The following ZNF701 variants were observed in gnomAD, a reference collection of about 807,000 sequenced individuals.
The protein encoded by ZNF701 is zinc finger protein 701.
ZNF701 carries 6 observed loss-of-function variants against 7.1 expected under a neutral mutation model. That is an observed-to-expected ratio of 0.84 (90% CI 0.46 to 1.66). The LOEUF is 1.66. Ranked by LOEUF, ZNF701 falls within the 40% of genes most tolerant of loss-of-function variation. The probability of loss-of-function intolerance (pLI) is 0.01; values close to 1 mark genes in which losing one functional copy is unlikely to be tolerated. For synonymous variants in ZNF701, 166 were observed against 188.2 expected (o/e 0.88, Z 0.97); for missense variants, 541 against 559.2 (o/e 0.97, Z 0.33).
At position 52,579,131 on chromosome 19, in the gene ZNF701, T is replaced by A. The variant is rs2059958389; in HGVS notation, c.143-3071T>A. On this transcript the variant is annotated intron_variant, in intron 3 of 3. Transcript: ENST00000391785. ...TGAAAAAAACACTGTACATATATGT[T>A]ACCAGAAATGCAACATACACAGAAA... Among the ~76,000 whole-genome samples the A allele has an allele frequency of 2.1e-5, 3 of 144,106 alleles. No homozygotes were observed. In the South Asian group the frequency reaches 6.3e-4, roughly 30 times the overall value. The allele number at this position is 144,106 out of a possible 152,430, so 94.5% of individuals were successfully genotyped here.
In ZNF701 at chr19:52,574,109, A is replaced by G. The variant is rs1290690795; in HGVS notation, c.-39A>G. ...TTCTAAAGACTTGGTACGTGAGGAAAAAACACGGAAGAGGAAGAGGAAAGC... is the reference window on the plus strand; with the variant it reads ...TTCTAAAGACTTGGTACGTGAGGAAGAAACACGGAAGAGGAAGAGGAAAGC... On this transcript the variant is annotated 5_prime_UTR_variant, in exon 2 of 4. Coordinates refer to ENST00000391785, the MANE Select transcript of ZNF701 (RefSeq NM_018260.3). 3.1e-6 allele frequency: 5 copies of G among 1,612,504 alleles called. No homozygotes were observed. The South Asian group carries it at 5.5e-5, about 18-fold the overall frequency.
chr19:52,574,059 CAT>C lies in ZNF701; in HGVS notation c.-71-15_-71-14del, dbSNP rs1432628228. 2.4e-5 allele frequency: 39 copies of C among 1,607,502 alleles called. No homozygotes were observed. The highest frequency in any genetic ancestry group is 5.0e-5 in the Admixed American group (3 of 59,896). ...TGTGTTGATTCTGAGCAGTAAACAACATATTTCTAACATTCAGGATTGACTTC... is the reference window on the plus strand; with the variant it reads ...TGTGTTGATTCTGAGCAGTAAACAACATTTCTAACATTCAGGATTGACTTC... On this transcript the variant is annotated splice_polypyrimidine_tract_variant and intron_variant, in intron 1 of 3. Transcript: ENST00000391785.
At chr19:52,592,068 C>G (rs192116442), downstream of ZNF701, 21 of 795,850 alleles carry the variant, frequency 2.6e-5, no homozygotes, top group East Asian at 5.2e-4. Context: ...TCACTCCTCC[C>G]TAATGTTTTG....
chr19:52,597,954 C>T, the ZNF701 span: 35,268 of 154,182 alleles, frequency 0.23, 4,087 homozygotes, highest in Admixed American at 0.3. Context: ...ACAGGGATGC[C>T]TCCTGTCCAT....
At chr19:52,577,163 G>C (rs1045873848) in intron 3 of ZNF701, among the ~76,000 whole-genome samples, 1 of 152,092 alleles carries the variant, frequency 6.6e-6, no homozygotes, top group Non-Finnish European at 1.5e-5. Context: ...GCAGTGATAC[G>C]ATCTTGGCTA....
downstream of ZNF701, among the ~76,000 whole-genome samples, chr19:52,589,241 G>A (rs1288196053): frequency 6.6e-6 from 1 of 152,002 alleles, no homozygotes. Context: ...GTTCTTTTTT[G>A]CATTCGGTGA....
chr19:52,578,253 C>CAAAAA (rs58385761), intron 3 of ZNF701, among the ~76,000 whole-genome samples: 85 of 40,742 alleles, frequency 2.1e-3, no homozygotes, highest in African/African-American at 3.1e-3. Flanking sequence ...GACTCCGTCT[C>CAAAAA]AAAAAAAAAA....
Position 52,585,569 on chromosome 19 carries a change from C to T in ZNF701, c.*2112C>T, listed in dbSNP as rs1041174937. The T allele has an allele frequency of 5.3e-5, 8 of 151,870 alleles. No individual in the cohort carries two copies. The highest frequency in any genetic ancestry group is 1.9e-4 in the African/African-American group (8 of 41,504). The allele number at this position is 151,870 out of a possible 1,614,324, so 9.4% of individuals were successfully genotyped here. Reference sequence around the variant, plus strand: ...AGAATTGAAGAAAAAAAAAAAAACCCCACAAAGTAACAAAAGAATGAAGCG... The same window carrying T: ...AGAATTGAAGAAAAAAAAAAAAACCTCACAAAGTAACAAAAGAATGAAGCG... On this transcript the variant is annotated 3_prime_UTR_variant, in exon 4 of 4. Coordinates refer to ENST00000391785, the MANE Select transcript of ZNF701 (RefSeq NM_018260.3).
At chr19:52,574,678 A>G (rs1044874018) in intron 2 of ZNF701, among the ~76,000 whole-genome samples, 36 of 152,188 alleles carry the variant, frequency 2.4e-4, no homozygotes, top group African/African-American at 8.4e-4. Context: ...TAGAATGGAA[A>G]GTTCATAAAC....
Position 52,583,140 on chromosome 19 carries a change from A to C in ZNF701, c.1081A>C (p.Lys361Gln). The C allele has an allele frequency of 6.2e-7, 1 of 1,613,870 alleles. No individual in the cohort carries two copies. The highest frequency in any genetic ancestry group is 8.5e-7 in the Non-Finnish European group (1 of 1,179,850). Residue 361 changes from lysine to glutamine, a missense_variant, in exon 4 of 4, where the codon AAG becomes CAG. Lys to Gln is a moderately conservative substitution (Grantham distance 53). Transcript: ENST00000391785. ...EKPYKCKVCD[K>Q]AFRRDSHLAQ... ...ACCATACAAATGTAAGGTTTGTGAC[A>C]AGGCTTTCAGACGTGATTCACACCT...
chr19:52,574,276 C>T (rs1223164303), intron 2 of ZNF701, 114 bp downstream of exon 2: 20 of 1,496,974 alleles, frequency 1.3e-5, no homozygotes, highest in East Asian at 4.5e-5. Context: ...TTTGCTCACA[C>T]TCAACTCATG....
chr19:52,575,838 C>T (rs2059930840), intron 2 of ZNF701, 57 bp from the exon 3 acceptor site: 3 of 1,152,700 alleles, frequency 2.6e-6, no homozygotes, highest in Non-Finnish European at 3.6e-6. Context: ...TTCTCATTTT[C>T]TGTAAAGATA....
At chr19:52,571,412 A>AAAG (rs2059898872) in intron 1 of ZNF701, among the ~76,000 whole-genome samples, 1 of 152,164 alleles carries the variant, frequency 6.6e-6, no homozygotes, top group Admixed American at 6.6e-5. Context: ...GGAGAGCGGC[A>AAAG]GAGATGCAGA....
chr19:52,578,304 G>A (rs529046949), intron 3 of ZNF701, among the ~76,000 whole-genome samples: 3 of 147,744 alleles, frequency 2.0e-5, no homozygotes, highest in East Asian at 2.0e-4. Flanking sequence ...AAACGCTAAC[G>A]TATGCTGCCT....
At chr19:52,593,573 C>A in the ZNF701 span, among the ~76,000 whole-genome samples, 2 of 113,574 alleles carry the variant, frequency 1.8e-5, 1 homozygote, top group Non-Finnish European at 3.8e-5. Context: ...AGGTGGCTGC[C>A]GGGAGGAGAC....
In ZNF701 at chr19:52,585,640, G is replaced by A. The variant is rs961498451; in HGVS notation, c.*2183G>A. The A allele has an allele frequency of 1.3e-5, 2 of 151,962 alleles. No homozygotes were observed. The highest frequency in any genetic ancestry group is 2.9e-5 in the Non-Finnish European group (2 of 67,988). 9.4% of individuals were successfully genotyped at this position (151,962 alleles called of 1,614,324 possible). On this transcript the variant is annotated 3_prime_UTR_variant, in exon 4 of 4. Coordinates refer to ENST00000391785, the MANE Select transcript of ZNF701 (RefSeq NM_018260.3). ...AACCAAGAAAGCACCCCACAGGGTG[G>A]GGGTGGGCCCAAGCGAGCGTCTCCA...
chr19:52,594,694 A>G, the ZNF701 span, among the ~76,000 whole-genome samples: 2 of 151,174 alleles, frequency 1.3e-5, no homozygotes, highest in African/African-American at 2.4e-5. Flanking sequence ...TGTATTTTTA[A>G]TAGAGACAGG....
At chr19:52,572,125 C>T (rs2059904948) in intron 1 of ZNF701, 2 of 301,756 alleles carry the variant, frequency 6.6e-6, no homozygotes, top group African/African-American at 4.6e-5. Context: ...GCCCGGCCTA[C>T]TCACCACCAC....
chr19:52,583,709 G>A lies in ZNF701; in HGVS notation c.*252G>A, dbSNP rs540743478. The A allele has an allele frequency of 8.2e-5, 66 of 807,218 alleles. 1 individual carries two copies. The highest frequency in any genetic ancestry group is 2.3e-4 in the Middle Eastern group (1 of 4,324). 50.0% of individuals were successfully genotyped at this position (807,218 alleles called of 1,614,324 possible). A position where few individuals can be genotyped will look rare whatever the true frequency, so the allele number is the denominator to read the frequency against. ...TTCACACTGGAAAGGAACTGTACAA[G>A]TGTAATGAGTGTGGCAGAGCCTTTG... is the stretch of plus-strand genomic sequence containing the variant. On this transcript the variant is annotated 3_prime_UTR_variant, in exon 4 of 4. Transcript: ENST00000391785.
Sources: gnomAD v4.1 joint callset for allele counts (sites outside exome capture counted in the v4.1 genomes callset) on GRCh38, gnomAD v4.1.1 for gene constraint, MANE v1.5 for transcripts, NCBI Gene and HGNC (gene_info 2026-07-23, HGNC 2026-07-21) for gene names.